The following RNLS variants were observed in gnomAD, a reference collection of about 807,000 sequenced individuals.
RNLS encodes renalase.
RNLS carries 39 observed loss-of-function variants against 39.8 expected under a neutral mutation model. The observed-to-expected ratio is 0.98, with a 90% confidence interval of 0.76 to 1.28. The LOEUF is 1.28. RNLS is among the 50% of genes most tolerant of loss of function. The probability of loss-of-function intolerance (pLI) is 0.00; values close to 1 mark genes in which losing one functional copy is unlikely to be tolerated. For missense variants in RNLS, 410 were observed against 413.3 expected (o/e 0.99, Z 0.07); for synonymous variants, 147 against 150.7 (o/e 0.98, Z 0.18).
chr10:88,341,237 G>A (rs1477722872), intron 5 of RNLS, among the ~76,000 whole-genome samples: 1 of 149,366 alleles, frequency 6.7e-6, no homozygotes, highest in Non-Finnish European at 1.5e-5. Flanking sequence ...GCTGAGGCAG[G>A]AGAATTGCTT....
chr10:88,210,108 G>C, the RNLS span, among the ~76,000 whole-genome samples: 2 of 152,228 alleles, frequency 1.3e-5, no homozygotes, highest in South Asian at 4.1e-4. Flanking sequence ...AATAGTAAGT[G>C]CTAGTATTTT....
chr10:88,254,571 G>A, the RNLS span, among the ~76,000 whole-genome samples: 2 of 152,176 alleles, frequency 1.3e-5, no homozygotes, highest in Non-Finnish European at 2.9e-5. Context: ...CTTGATTTCT[G>A]TGAGACACAC....
At chr10:88,330,253 T>G (rs1028069693) in intron 5 of RNLS, among the ~76,000 whole-genome samples, 1 of 151,800 alleles carries the variant, frequency 6.6e-6, no homozygotes, top group African/African-American at 2.4e-5. Flanking sequence ...TCTTTGTGCC[T>G]GCATTTAAAT....
intron 4 of RNLS, among the ~76,000 whole-genome samples, chr10:88,541,045 A>C: frequency 6.6e-6 from 1 of 152,006 alleles, no homozygotes; most frequent in East Asian, 1.9e-4. Context: ...ATTCTAAAAT[A>C]TGGTTTATGT....
At chr10:88,423,757 C>T (rs547334968) in intron 4 of RNLS, among the ~76,000 whole-genome samples, 1 of 152,298 alleles carries the variant, frequency 6.6e-6, no homozygotes, top group East Asian at 1.9e-4. Context: ...ATTGGTACTC[C>T]AAATTCTCCT....
At chr10:88,547,240 C>A (rs2134314079) in intron 4 of RNLS, among the ~76,000 whole-genome samples, 1 of 152,202 alleles carries the variant, frequency 6.6e-6, no homozygotes, top group Admixed American at 6.5e-5. Flanking sequence ...TAGCACTAAC[C>A]CAAAGAACAC....
At chr10:88,294,449 T>A (rs1162076010) in intron 6 of RNLS, among the ~76,000 whole-genome samples, 2 of 151,400 alleles carry the variant, frequency 1.3e-5, no homozygotes. Flanking sequence ...GAAAACAGGT[T>A]TTTTTTTTAA....
intron 4 of RNLS, among the ~76,000 whole-genome samples, chr10:88,525,144 G>C (rs1459509195): frequency 2.0e-5 from 3 of 151,376 alleles, no homozygotes; most frequent in South Asian, 2.1e-4. Context: ...GTGTGTATAA[G>C]AGACACTTAA....
At chr10:88,266,229 A>G in the RNLS span, among the ~76,000 whole-genome samples, 1 of 152,148 alleles carries the variant, frequency 6.6e-6, no homozygotes, top group Non-Finnish European at 1.5e-5. Flanking sequence ...AATAACAATG[A>G]TTCACTTCTC....
intron 5 of RNLS, among the ~76,000 whole-genome samples, chr10:88,337,951 A>G (rs1368994956): frequency 6.6e-6 from 1 of 152,076 alleles, no homozygotes; most frequent in Non-Finnish European, 1.5e-5. Context: ...TTATATCTCT[A>G]GTGTAAAACA....
intron 4 of RNLS, among the ~76,000 whole-genome samples, chr10:88,377,190 G>A (rs1026658113): frequency 6.6e-6 from 1 of 151,728 alleles, no homozygotes; most frequent in African/African-American, 2.4e-5. Flanking sequence ...ACATCTCTGT[G>A]TGTGTGTGTC....
At chr10:88,495,197 G>C (rs372808003) in intron 4 of RNLS, among the ~76,000 whole-genome samples, 9 of 151,958 alleles carry the variant, frequency 5.9e-5, no homozygotes, top group African/African-American at 2.2e-4. Flanking sequence ...ACAACTTCTG[G>C]ACAAAGATTT....
intron 4 of RNLS, among the ~76,000 whole-genome samples, chr10:88,443,758 G>T (rs1431971364): frequency 1.3e-5 from 2 of 152,222 alleles, no homozygotes; most frequent in Non-Finnish European, 1.5e-5. Flanking sequence ...CTGCAATGCG[G>T]CAGTGAGGCT....
chr10:88,468,856 T>C (rs1276002649), intron 4 of RNLS, among the ~76,000 whole-genome samples: 3 of 152,166 alleles, frequency 2.0e-5, no homozygotes, highest in Admixed American at 6.5e-5. Context: ...CCAAGAACTC[T>C]TGATGCAGAA....
the RNLS span, among the ~76,000 whole-genome samples, chr10:88,180,876 G>T: frequency 6.6e-6 from 1 of 152,030 alleles, no homozygotes; most frequent in South Asian, 2.1e-4. Context: ...TTTTCAATGT[G>T]GTATTTTACT....
chr10:88,530,214 C>A (rs1235908989), intron 4 of RNLS, among the ~76,000 whole-genome samples: 1 of 152,084 alleles, frequency 6.6e-6, no homozygotes, highest in Non-Finnish European at 1.5e-5. Flanking sequence ...CCTCATGGGC[C>A]TCTTGTGAAA....
At chr10:88,556,073 C>A (rs1848857685) in intron 4 of RNLS, among the ~76,000 whole-genome samples, 1 of 152,160 alleles carries the variant, frequency 6.6e-6, no homozygotes. Flanking sequence ...GACCAAATTT[C>A]TCTTCTTGAT....
At chr10:88,274,979 C>T (rs752537401) in exon 7 of RNLS, 15 of 1,612,988 alleles carry the variant, frequency 9.3e-6, no homozygotes, top group South Asian at 4.4e-5. Flanking sequence ...GAAATCCAAT[C>T]GCCATCATCC....
intron 2 of RNLS, 112 bp downstream of exon 2, chr10:88,582,090 A>G: frequency 1.3e-6 from 1 of 785,108 alleles, no homozygotes; most frequent in Non-Finnish European, 2.0e-6. Flanking sequence ...ATAGCAATTG[A>G]TATTTATCGA....
Sources: gnomAD v4.1 joint callset for allele counts (sites outside exome capture counted in the v4.1 genomes callset) on GRCh38, gnomAD v4.1.1 for gene constraint, MANE v1.5 for transcripts, NCBI Gene and HGNC (gene_info 2026-07-23, HGNC 2026-07-21) for gene names.